The following WDR7 variants were observed in gnomAD, a reference collection of about 807,000 sequenced individuals.
WDR7 encodes WD repeat-containing protein 7.
A neutral mutation model predicts 169.4 loss-of-function variants in WDR7; 46 were observed. The observed-to-expected ratio is 0.27, with a 90% CI of 0.21 to 0.35. WDR7 has a LOEUF of 0.35. WDR7 is among the 10% of genes least tolerant of loss of function. The pLI, the probability that WDR7 is intolerant of heterozygous loss-of-function variation, is 1.00. For synonymous variants in WDR7, 612 were observed against 666.8 expected, an observed-to-expected ratio of 0.92 and a Z score of 1.27; for missense variants, 1,534 against 1,859.3, an observed-to-expected ratio of 0.83 and a Z score of 3.22.
At chr18:56,809,074 TC>T (rs1200700335) in intron 19 of WDR7, among the ~76,000 whole-genome samples, 1 of 151,920 alleles carries the variant, frequency 6.6e-6, no homozygotes, top group African/African-American at 2.4e-5. Context: ...CCCACTCCAT[TC>T]CCCCTCTGCC....
intron 20 of WDR7, among the ~76,000 whole-genome samples, chr18:56,859,674 G>A (rs1010330790): frequency 6.6e-6 from 1 of 152,034 alleles, no homozygotes; most frequent in Admixed American, 6.6e-5. Context: ...AAATAATTTC[G>A]AACACCTTGT....
rs1378155020 is a variant in WDR7, at chr18:56,695,106, T to G, written c.1265T>G (p.Val422Gly). The change falls in exon 11 of 28, where the codon GTT becomes GGT. Residue 422 changes from valine to glycine, a missense_variant. Transcript: ENST00000254442. The stretch of plus-strand genomic sequence containing the variant: ...TACATACCAGCACATGGACGACTTG[T>G]TTGTGGTCGTGAAGATGGAAGCATA... ...SVYIPAHGRL[V>G]CGREDGSIVI... 1 of 1,613,976 alleles carries G rather than the reference T, an allele frequency of 6.2e-7. No homozygotes were observed.
intron 25 of WDR7, among the ~76,000 whole-genome samples, chr18:56,955,763 G>A (rs1258804337): frequency 6.6e-6 from 1 of 152,028 alleles, no homozygotes; most frequent in Non-Finnish European, 1.5e-5. Context: ...TACTTCTGTT[G>A]CATTAACTCA....
At chr18:56,888,130 A>G (rs2046220680) in intron 21 of WDR7, among the ~76,000 whole-genome samples, 1 of 152,222 alleles carries the variant, frequency 6.6e-6, no homozygotes, top group African/African-American at 2.4e-5. Flanking sequence ...GAAAACCCAT[A>G]ATGTAGTGAA....
At chr18:56,813,926 A>C (rs1372095095) in intron 19 of WDR7, among the ~76,000 whole-genome samples, 1 of 152,160 alleles carries the variant, frequency 6.6e-6, no homozygotes, top group African/African-American at 2.4e-5. Context: ...CTGGCACAGC[A>C]CAGGAGCTCT....
Position 56,651,541 on chromosome 18 carries a change from T to C in WDR7, c.-55T>C, listed in dbSNP as rs561753762. On this transcript the variant is annotated 5_prime_UTR_variant, in exon 1 of 28. Transcript: ENST00000254442. ...GCTGGGGCGCCCACCGGCGGTCTGA[T>C]AGGCTACATCGCGGCATGAGATGAA... The C allele has an allele frequency of 1.3e-5, 2 of 152,780 alleles. No homozygotes were observed. The highest frequency in any genetic ancestry group is 1.9e-4 in the East Asian group (1 of 5,192). The allele number at this position is 152,780 out of a possible 1,614,324, so 9.5% of individuals were successfully genotyped here. A position where few individuals can be genotyped will look rare whatever the true frequency, so the allele number is the denominator to read the frequency against.
intron 15 of WDR7, 78 bp downstream of exon 15, chr18:56,757,430 C>CT (rs2043910900): frequency 1.5e-6 from 2 of 1,377,538 alleles, no homozygotes; most frequent in Non-Finnish European, 9.7e-7. Flanking sequence ...GTTGATTACT[C>CT]TTTTTTGGCT....
intron 13 of WDR7, among the ~76,000 whole-genome samples, chr18:56,726,777 C>T (rs1331861031): frequency 3.3e-5 from 5 of 152,254 alleles, no homozygotes; most frequent in African/African-American, 9.6e-5. Context: ...AATGGAACAC[C>T]TTCCTGAGAA....
At chr18:56,865,170 T>A (rs921371961) in intron 20 of WDR7, among the ~76,000 whole-genome samples, 2 of 152,082 alleles carry the variant, frequency 1.3e-5, no homozygotes, top group Admixed American at 1.3e-4. Flanking sequence ...TTGTAGTGGA[T>A]GCTGAACAAG....
intron 19 of WDR7, among the ~76,000 whole-genome samples, chr18:56,796,656 C>G (rs907002082): frequency 6.6e-6 from 1 of 152,064 alleles, no homozygotes; most frequent in African/African-American, 2.4e-5. Context: ...TGCAGGTGCT[C>G]AGTAATTATG....
In WDR7 at chr18:56,764,502, A is replaced by G. The variant is rs1337011175; in HGVS notation, c.2848+5549A>G. Among the ~76,000 whole-genome samples the G allele has an allele frequency of 2.0e-5, 3 of 152,158 alleles. No homozygotes were observed. The East Asian group carries it at 5.8e-4, about 29-fold the overall frequency. On this transcript the variant is annotated intron_variant, in intron 16 of 27. Transcript: ENST00000254442. Reference sequence around the variant, plus strand: ...ATTGTGGAATGGCTAAATCTAGCTAATTAACATATCTATGACCTCATATAT... The same window carrying G: ...ATTGTGGAATGGCTAAATCTAGCTAGTTAACATATCTATGACCTCATATAT...
In WDR7 at chr18:56,962,414, A is replaced by C; in HGVS notation, c.4065-16A>C. The C allele has an allele frequency of 6.2e-7, 1 of 1,611,470 alleles. No individual in the cohort carries two copies. On this transcript the variant is annotated splice_polypyrimidine_tract_variant and intron_variant, in intron 25 of 27. Coordinates refer to ENST00000254442, the MANE Select transcript of WDR7 (RefSeq NM_015285.3). Reference sequence around the variant, plus strand: ...GCTTCTTGTTTTTGTTTTTGTTGTTAAAATGTTCAACTCAGGTTCTACATG... The same window carrying C: ...GCTTCTTGTTTTTGTTTTTGTTGTTCAAATGTTCAACTCAGGTTCTACATG...
At chr18:56,776,704 C>G (rs2044247484) in intron 16 of WDR7, 78 bp from the exon 17 acceptor site, 1 of 1,256,276 alleles carries the variant, frequency 8.0e-7, no homozygotes, top group African/African-American at 1.5e-5. Context: ...TTTCATTCTT[C>G]ACTAATACTA....
chr18:56,864,847 T>C (rs2045858806), intron 20 of WDR7, among the ~76,000 whole-genome samples: 1 of 151,926 alleles, frequency 6.6e-6, no homozygotes, highest in Admixed American at 6.6e-5. Flanking sequence ...TAACTTAATT[T>C]CATTTGACAT....
At chr18:56,920,065 A>C in intron 21 of WDR7, among the ~76,000 whole-genome samples, 2 of 150,326 alleles carry the variant, frequency 1.3e-5, no homozygotes, top group African/African-American at 2.5e-5. Context: ...TCTCCCCTTC[A>C]CCTATTTATC....
chr18:56,950,887 T>G (rs2047171398), intron 25 of WDR7, among the ~76,000 whole-genome samples: 1 of 152,250 alleles, frequency 6.6e-6, no homozygotes, highest in African/African-American at 2.4e-5. Context: ...GCCTATTGTT[T>G]TGAGGTCATG....
chr18:56,878,407 C>CT (rs972795553), intron 20 of WDR7, among the ~76,000 whole-genome samples: 2 of 152,096 alleles, frequency 1.3e-5, no homozygotes, highest in Non-Finnish European at 2.9e-5. Context: ...AATGTGCTCT[C>CT]TTTTTTTCAT....
chr18:56,722,733 G>A (rs926208203), intron 13 of WDR7, among the ~76,000 whole-genome samples: 1 of 152,074 alleles, frequency 6.6e-6, no homozygotes, highest in East Asian at 1.9e-4. Flanking sequence ...AGATATGACT[G>A]TGCTTACTAC....
chr18:56,675,413 A>G (rs928025657), intron 2 of WDR7, among the ~76,000 whole-genome samples: 15 of 152,116 alleles, frequency 9.9e-5, no homozygotes, highest in Admixed American at 8.5e-4. Flanking sequence ...TTTTCAGAAT[A>G]TAAGGTTTGT....
Sources: gnomAD v4.1 joint callset for allele counts (sites outside exome capture counted in the v4.1 genomes callset) on GRCh38, gnomAD v4.1.1 for gene constraint, MANE v1.5 for transcripts, NCBI Gene and HGNC (gene_info 2026-07-23, HGNC 2026-07-21) for gene names.